SGK3: variants seen among roughly 807,000 people sequenced by gnomAD.
The protein encoded by SGK3 is serum/glucocorticoid regulated kinase family member 3, also known as serine/threonine-protein kinase Sgk3.
Under a neutral mutation model 68.5 loss-of-function variants are expected in SGK3, and 47 were observed. The ratio of observed to expected loss-of-function variants is 0.69; its 90% CI spans 0.54 to 0.87. SGK3 has a LOEUF of 0.87. Ranked by LOEUF, SGK3 falls within the 40% of genes least tolerant of loss-of-function variation. SGK3 has a pLI of 0.00. For synonymous variants in SGK3, 181 were observed against 189.1 expected (o/e 0.96, Z 0.35); for missense variants, 479 against 575.5 (o/e 0.83, Z 1.72).
chr8:66,783,074 C>T (rs1177721212), intron 1 of SGK3, among the ~76,000 whole-genome samples: 1 of 152,294 alleles, frequency 6.6e-6, no homozygotes. Flanking sequence ...GTGGCTGTAC[C>T]ATTTTGCATT....
chr8:66,855,638 T>A (rs1177456972), intron 16 of SGK3, among the ~76,000 whole-genome samples: 2 of 152,184 alleles, frequency 1.3e-5, no homozygotes, highest in Non-Finnish European at 2.9e-5. Context: ...GCATTCTTAC[T>A]AGTCAATGGG....
At chr8:66,826,904 C>T (rs577104009) in intron 6 of SGK3, among the ~76,000 whole-genome samples, 1 of 152,108 alleles carries the variant, frequency 6.6e-6, no homozygotes, top group African/African-American at 2.4e-5. Flanking sequence ...CTTGGCCTCC[C>T]AAAGTGCTGG....
At chr8:66,793,975 A>C in intron 2 of SGK3, 143 bp downstream of exon 2, 1 of 881,088 alleles carries the variant, frequency 1.1e-6, no homozygotes, top group Non-Finnish European at 1.7e-6. Context: ...TCTGTTCTCC[A>C]CAAAGTCTTC....
intron 1 of SGK3, among the ~76,000 whole-genome samples, chr8:66,718,426 A>G (rs1804703710): frequency 6.6e-6 from 1 of 151,114 alleles, no homozygotes; most frequent in Non-Finnish European, 1.5e-5. Context: ...ATATGTGTAT[A>G]TATATACACA....
chr8:66,732,137 A>T (rs1805173289), intron 1 of SGK3, among the ~76,000 whole-genome samples: 1 of 152,176 alleles, frequency 6.6e-6, no homozygotes, highest in African/African-American at 2.4e-5. Context: ...AACAGTATTT[A>T]ATTTGCACCT....
At chr8:66,794,797 G>A (rs530228568) in intron 2 of SGK3, among the ~76,000 whole-genome samples, 1 of 152,108 alleles carries the variant, frequency 6.6e-6, no homozygotes, top group Non-Finnish European at 1.5e-5. Flanking sequence ...AGTTCTTGTC[G>A]TCCCTCTAGA....
intron 1 of SGK3, among the ~76,000 whole-genome samples, chr8:66,770,047 G>A (rs748549379): frequency 3.9e-5 from 6 of 152,068 alleles, no homozygotes; most frequent in African/African-American, 7.2e-5. Flanking sequence ...TCCACCTCCC[G>A]GGTTCATGCC....
At chr8:66,858,547 T>C (rs1365591258) in intron 16 of SGK3, among the ~76,000 whole-genome samples, 6 of 151,890 alleles carry the variant, frequency 4.0e-5, no homozygotes, top group Admixed American at 3.9e-4. Flanking sequence ...TGTGAGGCAG[T>C]GATGGGTAGA....
intron 16 of SGK3, among the ~76,000 whole-genome samples, chr8:66,855,765 G>C (rs1447044831): frequency 6.6e-6 from 1 of 152,176 alleles, no homozygotes; most frequent in Non-Finnish European, 1.5e-5. Context: ...GACGGTTGAA[G>C]AAGTGCAATA....
intron 1 of SGK3, among the ~76,000 whole-genome samples, chr8:66,772,241 C>G (rs2130492175): frequency 6.9e-6 from 1 of 145,232 alleles, no homozygotes; most frequent in Admixed American, 7.0e-5. Flanking sequence ...GACTAATTAG[C>G]CAGGGACCAT....
intron 3 of SGK3, among the ~76,000 whole-genome samples, chr8:66,799,379 T>C (rs1430900367): frequency 6.6e-6 from 1 of 152,144 alleles, no homozygotes; most frequent in African/African-American, 2.4e-5. Context: ...CTGGGCAATA[T>C]AGCAAGACAC....
chr8:66,844,021 C>T (rs1023236964), intron 14 of SGK3, among the ~76,000 whole-genome samples: 4 of 143,208 alleles, frequency 2.8e-5, no homozygotes, highest in Non-Finnish European at 4.6e-5. Flanking sequence ...AAAAAAAAAC[C>T]CTTTTTATTT....
chr8:66,769,142 A>C (rs1338161573), intron 1 of SGK3, among the ~76,000 whole-genome samples: 1 of 152,124 alleles, frequency 6.6e-6, no homozygotes, highest in Non-Finnish European at 1.5e-5. Flanking sequence ...CTCCAACACC[A>C]TCTTTATCTT....
rs1221705685 is a variant in SGK3 at position 66,730,379 on chromosome 8, ATTT to A, written c.-122+17552_-122+17554del. ...CCCTTATGAGAGATATAATTTACAAATTTTTTTTATTCTATGGGTTTTCCTTTC... is the reference window on the plus strand; with the variant it reads ...CCCTTATGAGAGATATAATTTACAAATTTTTATTCTATGGGTTTTCCTTTC... On this transcript the variant is annotated intron_variant, in intron 1 of 16. Coordinates refer to ENST00000521198, the MANE Select transcript of SGK3 (RefSeq NM_001033578.3). Among the ~76,000 whole-genome samples, 253 of 151,928 alleles carry A rather than the reference ATTT, an allele frequency of 1.7e-3. 2 individuals are homozygous for A. The highest frequency in any genetic ancestry group is 2.5e-4 in the Non-Finnish European group (17 of 67,982).
chr8:66,857,788 A>AGTGTGTGTGTGTGT (rs1244850448), intron 16 of SGK3, among the ~76,000 whole-genome samples: 1 of 115,404 alleles, frequency 8.7e-6, no homozygotes, highest in Non-Finnish European at 1.9e-5. Context: ...GTCTCAAAAA[A>AGTGTGTGTGTGTGT]GTGTGTGTGT....
At chr8:66,847,084 G>C in intron 14 of SGK3, 109 bp from the exon 15 acceptor site, 1 of 1,471,562 alleles carries the variant, frequency 6.8e-7, no homozygotes, top group Non-Finnish European at 9.1e-7. Flanking sequence ...GTCCCAAGAG[G>C]TCCATACATT....
At chr8:66,806,031 T>C (rs1800056656) in intron 4 of SGK3, among the ~76,000 whole-genome samples, 1 of 152,236 alleles carries the variant, frequency 6.6e-6, no homozygotes, top group South Asian at 2.1e-4. Flanking sequence ...TCATATTTCT[T>C]CTACATTCTT....
chr8:66,766,945 G>A (rs193300905), intron 1 of SGK3, among the ~76,000 whole-genome samples: 5 of 152,240 alleles, frequency 3.3e-5, no homozygotes, highest in South Asian at 2.1e-4. Context: ...TCTGCCTCCC[G>A]GGTTCAAGCA....
intron 2 of SGK3, among the ~76,000 whole-genome samples, 163 bp downstream of exon 2, chr8:66,793,995 C>T (rs1430285014): frequency 1.3e-5 from 2 of 152,136 alleles, no homozygotes; most frequent in Admixed American, 6.6e-5. Flanking sequence ...CTGTGGCTAC[C>T]GTAATGGAAT....
Sources: allele counts gnomAD v4.1 joint callset (sites outside exome capture counted in the v4.1 genomes callset), GRCh38; gene constraint gnomAD v4.1.1; transcripts MANE v1.5; gene names NCBI Gene and HGNC (gene_info 2026-07-23, HGNC 2026-07-21).